Variants in CELF4 observed in about 807,000 individuals in gnomAD.
CELF4 encodes CUG-BP- and ETR-3-like factor 4.
CELF4 carries 18 observed loss-of-function variants against 59.9 expected under a neutral mutation model. The observed-to-expected ratio is 0.30, with a 90% CI of 0.21 to 0.45. The LOEUF is 0.45. CELF4 is among the 20% of genes least tolerant of loss of function. The pLI, the probability that CELF4 is intolerant of heterozygous loss-of-function variation, is 1.00. For synonymous variants in CELF4, 261 were observed against 267.1 expected (o/e 0.98, Z 0.22); for missense variants, 456 against 689.0 (o/e 0.66, Z 3.79).
At chr18:37,541,638 C>T (rs900941842) in intron 1 of CELF4, among the ~76,000 whole-genome samples, 1 of 152,106 alleles carries the variant, frequency 6.6e-6, no homozygotes, top group African/African-American at 2.4e-5. Context: ...ACAACCTGCC[C>T]CCACCAGCCC....
chr18:37,457,627 G>A (rs2099781951), intron 2 of CELF4, among the ~76,000 whole-genome samples: 1 of 152,140 alleles, frequency 6.6e-6, no homozygotes, highest in African/African-American at 2.4e-5. Context: ...GGGTCTGGGA[G>A]CTCAGCCTGG....
At chr18:37,424,196 C>T (rs772195795) in intron 2 of CELF4, among the ~76,000 whole-genome samples, 2 of 152,168 alleles carry the variant, frequency 1.3e-5, no homozygotes, top group Non-Finnish European at 2.9e-5. Flanking sequence ...CTCCCTTGGC[C>T]TAGGAACGAG....
At chr18:37,391,952 A>G (rs1352066553) in intron 2 of CELF4, among the ~76,000 whole-genome samples, 4 of 152,216 alleles carry the variant, frequency 2.6e-5, no homozygotes, top group Non-Finnish European at 4.4e-5. Context: ...CCTGGATCCA[A>G]GGCACAATTG....
At chr18:37,331,338 AG>A (rs1438353470) in intron 2 of CELF4, among the ~76,000 whole-genome samples, 1 of 152,124 alleles carries the variant, frequency 6.6e-6, no homozygotes, top group African/African-American at 2.4e-5. Flanking sequence ...CTCCTCCTCC[AG>A]CAAGCCTTCT....
At chr18:37,449,592 C>A (rs1034223545) in intron 2 of CELF4, among the ~76,000 whole-genome samples, 5 of 152,256 alleles carry the variant, frequency 3.3e-5, no homozygotes, top group Non-Finnish European at 5.9e-5. Flanking sequence ...GGGGGACCAA[C>A]AATGAACATG....
intron 2 of CELF4, among the ~76,000 whole-genome samples, chr18:37,441,259 A>T (rs1373356403): frequency 6.7e-6 from 1 of 149,330 alleles, no homozygotes; most frequent in Admixed American, 6.7e-5. Flanking sequence ...CCTACCTCCC[A>T]GAACTCAACA....
chr18:37,309,084 T>A (rs1437489421), intron 3 of CELF4, among the ~76,000 whole-genome samples: 1 of 152,072 alleles, frequency 6.6e-6, no homozygotes, highest in Non-Finnish European at 1.5e-5. Flanking sequence ...AAAGGGTATG[T>A]GGGGTGGGGG....
chr18:37,385,026 T>A (rs1603632905), intron 2 of CELF4, among the ~76,000 whole-genome samples: 1 of 152,212 alleles, frequency 6.6e-6, no homozygotes, highest in African/African-American at 2.4e-5. Context: ...TTTGTCAGGC[T>A]GTGTGTCTGA....
intron 12 of CELF4, among the ~76,000 whole-genome samples, chr18:37,249,239 G>A (rs1463162592): frequency 2.0e-5 from 3 of 152,110 alleles, no homozygotes; most frequent in Non-Finnish European, 4.4e-5. Context: ...ATGGCCAACG[G>A]GCAGCTCCCG....
chr18:37,435,776 G>A (rs1297516459), intron 2 of CELF4, among the ~76,000 whole-genome samples: 1 of 152,194 alleles, frequency 6.6e-6, no homozygotes, highest in Non-Finnish European at 1.5e-5. Flanking sequence ...CCTCAGCACT[G>A]TAGCCCACCC....
chr18:37,262,204 C>T (rs1248548017), intron 10 of CELF4, among the ~76,000 whole-genome samples: 1 of 152,226 alleles, frequency 6.6e-6, no homozygotes, highest in Non-Finnish European at 1.5e-5. Context: ...CGCTCTCACC[C>T]GCCCATGCTG....
intron 2 of CELF4, among the ~76,000 whole-genome samples, chr18:37,337,815 T>C (rs2097828862): frequency 1.3e-5 from 2 of 152,252 alleles, no homozygotes; most frequent in Admixed American, 6.5e-5. Flanking sequence ...CCCAGGCCAC[T>C]GTGCCAGGGA....
At chr18:37,436,662 A>G (rs2099693675) in intron 2 of CELF4, among the ~76,000 whole-genome samples, 1 of 152,212 alleles carries the variant, frequency 6.6e-6, no homozygotes, top group African/African-American at 2.4e-5. Context: ...CTGCCTGCTC[A>G]GGAGAACACA....
chr18:37,326,638 G>A (rs1004906685), intron 2 of CELF4, among the ~76,000 whole-genome samples: 2 of 152,212 alleles, frequency 1.3e-5, no homozygotes, highest in Non-Finnish European at 2.9e-5. Flanking sequence ...TTCCCTGGAG[G>A]CTCCTGGGGT....
chr18:37,511,878 T>C (rs980060429), intron 1 of CELF4, among the ~76,000 whole-genome samples: 3 of 152,096 alleles, frequency 2.0e-5, no homozygotes, highest in African/African-American at 7.2e-5. Flanking sequence ...GGGGCATCTG[T>C]CATTTCTGAA....
intron 1 of CELF4, among the ~76,000 whole-genome samples, chr18:37,522,622 G>A (rs567714706): frequency 1.3e-5 from 2 of 152,326 alleles, no homozygotes; most frequent in South Asian, 4.1e-4. Flanking sequence ...GAGGAGAGCT[G>A]AGGAAACAAT....
chr18:37,329,164 T>C (rs2097441193), intron 2 of CELF4, among the ~76,000 whole-genome samples: 1 of 152,236 alleles, frequency 6.6e-6, no homozygotes, highest in Non-Finnish European at 1.5e-5. Flanking sequence ...TTTTGTGGCT[T>C]ATGCCTGGAG....
At chr18:37,488,008 C>T (rs1416676424) in intron 1 of CELF4, among the ~76,000 whole-genome samples, 1 of 152,006 alleles carries the variant, frequency 6.6e-6, no homozygotes, top group Non-Finnish European at 1.5e-5. Flanking sequence ...TTCCCCTGGC[C>T]CCACTCACTG....
intron 1 of CELF4, among the ~76,000 whole-genome samples, chr18:37,494,229 G>A (rs1047911087): frequency 3.3e-5 from 5 of 152,230 alleles, no homozygotes; most frequent in East Asian, 1.9e-4. Context: ...GTCTGGTGTC[G>A]GCTGCTCCAT....
Sources: allele counts gnomAD v4.1 joint callset (sites outside exome capture counted in the v4.1 genomes callset), GRCh38; gene constraint gnomAD v4.1.1; transcripts MANE v1.5; gene names NCBI Gene and HGNC (gene_info 2026-07-23, HGNC 2026-07-21).